Variants in BIRC6 observed in about 807,000 individuals in gnomAD.
The protein encoded by BIRC6 is dual E2 ubiquitin-conjugating enzyme/E3 ubiquitin-protein ligase BIRC6.
In BIRC6, 98 loss-of-function variants were observed where a neutral mutation model predicts 503.3. The observed-to-expected ratio is 0.19, with a 90% CI of 0.17 to 0.23. The LOEUF is 0.23. Among genes scored for constraint, BIRC6 ranks in the 10% least tolerant of loss-of-function variants. The probability of loss-of-function intolerance (pLI) is 1.00; values close to 1 mark genes in which losing one functional copy is unlikely to be tolerated. For synonymous variants in BIRC6, 2,240 were observed against 2,078.7 expected (o/e 1.08, Z -2.11); for missense variants, 5,360 against 5,806.0 (o/e 0.92, Z 2.50).
chr2:32,598,107 C>A, intron 69 of BIRC6, 139 bp downstream of exon 69: 1 of 803,072 alleles, frequency 1.2e-6, no homozygotes, highest in Non-Finnish European at 1.9e-6. Context: ...TTTTAGACGG[C>A]AGTGAAAGGA....
At chr2:32,609,338 T>C (rs2062695692) in intron 72 of BIRC6, among the ~76,000 whole-genome samples, 1 of 151,690 alleles carries the variant, frequency 6.6e-6, no homozygotes, top group Admixed American at 6.6e-5. Flanking sequence ...ATTAGTTGTC[T>C]CTCCATAGTA....
intron 65 of BIRC6, among the ~76,000 whole-genome samples, chr2:32,562,913 T>A (rs1259345282): frequency 6.6e-6 from 1 of 152,234 alleles, no homozygotes; most frequent in Non-Finnish European, 1.5e-5. Context: ...ACATACAGAT[T>A]TTTATTCCCA....
At chr2:32,587,305 T>A (rs2061101351) in intron 66 of BIRC6, among the ~76,000 whole-genome samples, 2 of 152,202 alleles carry the variant, frequency 1.3e-5, no homozygotes, top group Non-Finnish European at 2.9e-5. Flanking sequence ...GAGAATCATT[T>A]GAACCCGGGA....
chr2:32,617,838 G>T lies in BIRC6; in HGVS notation c.14508G>T (p.Glu4836Asp), dbSNP rs140981765. The change falls in exon 74 of 74, where the codon GAG becomes GAT. Residue 4836 changes from glutamate to aspartate, a missense_variant. By Grantham distance (45) the Glu-to-Asp change is conservative. Coordinates refer to ENST00000421745, the MANE Select transcript of BIRC6 (RefSeq NM_016252.4). ...GCAGAGCCACAACAGGTGCTGAGGA[G>T]ACTCTAATGCATGATCAGGTTAAAC... ...EVCRATTGAE[E>D]TLMHDQVKPS... is the part of the protein sequence containing the mutation. 5.0e-5 allele frequency: 80 copies of T among 1,613,880 alleles called. No homozygotes were observed. In the African/African-American group the frequency reaches 9.2e-4, roughly 19 times the overall value.
chr2:32,465,061 C>A lies in BIRC6; in HGVS notation c.5257-4C>A. 6.4e-7 allele frequency: 1 copy of A among 1,559,254 alleles called. No individual in the cohort carries two copies. Among genetic ancestry groups the A allele is most frequent in the Admixed American group, 1.9e-5 (1 of 53,890 alleles). On this transcript the variant is annotated splice_region_variant and splice_polypyrimidine_tract_variant and intron_variant, in intron 25 of 73. Transcript: ENST00000421745. ...GTTAGATTTTTTTTTTTTCCCTGCT[C>A]TAGAATCCACTTGGTTCTGGTCTAG...
At chr2:32,529,270 A>G (rs2056536708) in intron 59 of BIRC6, 1 of 161,146 alleles carries the variant, frequency 6.2e-6, no homozygotes, top group Non-Finnish European at 1.3e-5. Flanking sequence ...TTACTAGTGT[A>G]TTGTCCATAG....
chr2:32,589,703 A>G (rs2061287970), intron 66 of BIRC6, among the ~76,000 whole-genome samples: 1 of 152,136 alleles, frequency 6.6e-6, no homozygotes, highest in Non-Finnish European at 1.5e-5. Context: ...TATTTATTTT[A>G]ACATCTCTTC....
intron 26 of BIRC6, among the ~76,000 whole-genome samples, chr2:32,466,054 C>T (rs2048506273): frequency 6.6e-6 from 1 of 152,088 alleles, no homozygotes; most frequent in Non-Finnish European, 1.5e-5. Context: ...GACTGTAGTA[C>T]ATAAGCCTCC....
chr2:32,528,073 T>C (rs1245463880), intron 59 of BIRC6: 2 of 152,254 alleles, frequency 1.3e-5, no homozygotes, highest in Non-Finnish European at 2.9e-5. Flanking sequence ...CAGCAGAATG[T>C]CTCTTCATCC....
chr2:32,385,296 A>G (rs1212954674), intron 3 of BIRC6, among the ~76,000 whole-genome samples: 1 of 152,188 alleles, frequency 6.6e-6, no homozygotes, highest in African/African-American at 2.4e-5. Flanking sequence ...GAGACATTAT[A>G]GTGGGAGTAG....
Position 32,525,469 on chromosome 2 carries a change from A to C in BIRC6, c.11761A>C (p.Lys3921Gln), listed in dbSNP as rs1558971366. The C allele has an allele frequency of 6.2e-7, 1 of 1,613,818 alleles. No individual in the cohort carries two copies. The highest frequency in any genetic ancestry group is 1.3e-5 in the African/African-American group (1 of 74,914). Reference sequence around the variant, plus strand: ...TACTGATCCTTTTCTTTTAGGGCTGAAGTCTCAATCTAAACGTGCTGTGTC... The same window carrying C: ...TACTGATCCTTTTCTTTTAGGGCTGCAGTCTCAATCTAAACGTGCTGTGTC... The part of the protein sequence containing the change: ...NYSVVVASGL[K>Q]SQSKRAVSAT... The change falls in exon 59 of 74, where the codon AAG (lysine) becomes CAG (glutamine). Residue 3921 changes from lysine (K) to glutamine (Q), a missense_variant. Physicochemically the swap from Lys to Gln is moderately conservative, Grantham distance 53. This residue lies in a region of BIRC6 where 878 missense variants were observed against 928.9 expected (regional missense o/e 0.95). Transcript: ENST00000421745.
At chr2:32,396,063 T>G (rs1044645299) in intron 6 of BIRC6, among the ~76,000 whole-genome samples, 2 of 152,200 alleles carry the variant, frequency 1.3e-5, no homozygotes, top group Admixed American at 1.3e-4. Context: ...ACTTCATTTT[T>G]ACAAATAACT....
chr2:32,588,644 G>A (rs1361725311), intron 66 of BIRC6, among the ~76,000 whole-genome samples: 1 of 152,108 alleles, frequency 6.6e-6, no homozygotes, highest in Non-Finnish European at 1.5e-5. Context: ...TATTTAAAGA[G>A]TAAGCAAAAA....
At chr2:32,382,555 G>T (rs2037828108) in intron 3 of BIRC6, among the ~76,000 whole-genome samples, 1 of 152,158 alleles carries the variant, frequency 6.6e-6, no homozygotes, top group Non-Finnish European at 1.5e-5. Flanking sequence ...AATACAGTAT[G>T]CAGAGTCCTA....
intron 8 of BIRC6, among the ~76,000 whole-genome samples, chr2:32,405,211 T>C (rs2041061471): frequency 6.6e-6 from 1 of 152,350 alleles, no homozygotes; most frequent in South Asian, 2.1e-4. Flanking sequence ...TTCCCAATTA[T>C]TAATATTTCT....
intron 44 of BIRC6, 145 bp downstream of exon 44, chr2:32,491,703 A>G (rs1278012210): frequency 2.3e-6 from 2 of 885,422 alleles, no homozygotes; most frequent in Non-Finnish European, 3.3e-6. Context: ...TGTTATTTGT[A>G]ATAATAGCTA....
At chr2:32,504,484 G>A (rs1226585830) in intron 49 of BIRC6, among the ~76,000 whole-genome samples, 2 of 151,688 alleles carry the variant, frequency 1.3e-5, no homozygotes, top group African/African-American at 2.4e-5. Flanking sequence ...CGGCTAACAC[G>A]GTGAAACCCC....
chr2:32,507,566 C>G (rs1425091611), intron 50 of BIRC6, among the ~76,000 whole-genome samples: 2 of 152,000 alleles, frequency 1.3e-5, no homozygotes, highest in Admixed American at 1.3e-4. Flanking sequence ...ACATTTTTCC[C>G]CAAATTATTT....
chr2:32,367,594 G>A (rs774575911), intron 1 of BIRC6, among the ~76,000 whole-genome samples: 4 of 152,116 alleles, frequency 2.6e-5, no homozygotes, highest in Non-Finnish European at 4.4e-5. Flanking sequence ...GCCAGGACAG[G>A]CAGATCAGTT....
Sources: gnomAD v4.1 joint callset for allele counts (sites outside exome capture counted in the v4.1 genomes callset) on GRCh38, gnomAD v4.1.1 for gene constraint, gnomAD v4.1.1 regional missense constraint, MANE v1.5 for transcripts, NCBI Gene and HGNC (gene_info 2026-07-23, HGNC 2026-07-21) for gene names.